The following DOCK10 variants were observed in gnomAD, a reference collection of about 807,000 sequenced individuals.
DOCK10 encodes the protein dedicator of cytokinesis protein 10.
In DOCK10, 145 loss-of-function variants were observed where a neutral mutation model predicts 280.1. The ratio of observed to expected loss-of-function variants is 0.52; its 90% CI spans 0.45 to 0.59. The LOEUF (loss-of-function observed/expected upper bound fraction) is 0.59, where lower values mean the gene tolerates loss of function less well. Ranked by LOEUF, DOCK10 falls within the 20% of genes least tolerant of loss-of-function variation. The pLI, the probability that DOCK10 is intolerant of heterozygous loss-of-function variation, is 0.00. For synonymous variants in DOCK10, 915 were observed against 942.2 expected, an observed-to-expected ratio of 0.97 and a Z score of 0.53; for missense variants, 2,368 against 2,651.7, an observed-to-expected ratio of 0.89 and a Z score of 2.35.
intron 24 of DOCK10, among the ~76,000 whole-genome samples, chr2:224,838,181 T>C (rs1468396255): frequency 6.6e-6 from 1 of 152,238 alleles, no homozygotes; most frequent in African/African-American, 2.4e-5. Flanking sequence ...AAAGGGATTA[T>C]TTTTAGTGCC....
At chr2:224,974,480 A>G (rs1575137406) in intron 1 of DOCK10, among the ~76,000 whole-genome samples, 1 of 152,120 alleles carries the variant, frequency 6.6e-6, no homozygotes, top group African/African-American at 2.4e-5. Context: ...CAAAAGACAC[A>G]TTATATCCTC....
At chr2:224,873,374 C>T (rs1698413567) in intron 11 of DOCK10, among the ~76,000 whole-genome samples, 1 of 152,036 alleles carries the variant, frequency 6.6e-6, no homozygotes, top group African/African-American at 2.4e-5. Context: ...CCTAGGAGTT[C>T]TAAACCAGTC....
chr2:224,989,886 C>T (rs775811377), intron 1 of DOCK10, among the ~76,000 whole-genome samples: 10 of 152,096 alleles, frequency 6.6e-5, no homozygotes, highest in East Asian at 3.9e-4. Flanking sequence ...TTTTATCCCC[C>T]GACAACTGTG....
intron 1 of DOCK10, among the ~76,000 whole-genome samples, chr2:224,932,449 G>A (rs1480561691): frequency 6.6e-6 from 1 of 152,056 alleles, no homozygotes; most frequent in Non-Finnish European, 1.5e-5. Flanking sequence ...GAACTCATAA[G>A]GTGAGAAAAG....
rs1308476404 is a variant in DOCK10, at chr2:224,885,749, C to A, written c.669G>T (p.Met223Ile). ...ATATTTTCTCATCTTTGTAAAAGTT[C>A]ATAATGTAGGAGTTATCTGGTAACT... ...LTQLPDNSYI[M>I]NFYKDEKISK... Residue 223 changes from methionine (M) to isoleucine (I), a missense_variant, in exon 7 of 56, where the codon ATG becomes ATT. Met to Ile is a conservative substitution (Grantham distance 10). This residue lies in a region of DOCK10 where 1,209 missense variants were observed against 1,250.9 expected (regional missense o/e 0.97). Transcript: ENST00000258390. The A allele has an allele frequency of 6.2e-7, 1 of 1,613,676 alleles. No homozygotes were observed. Among genetic ancestry groups the A allele is most frequent in the Admixed American group, 1.7e-5 (1 of 59,992 alleles).
At chr2:224,804,068 C>A (rs1446125723) in intron 39 of DOCK10, 44 bp downstream of exon 39, 1 of 1,196,212 alleles carries the variant, frequency 8.4e-7, no homozygotes, top group Non-Finnish European at 1.2e-6. Flanking sequence ...GACACACACA[C>A]ACAGCTATAT....
chr2:224,880,175 T>C (rs1026309281), intron 7 of DOCK10, among the ~76,000 whole-genome samples: 3 of 152,180 alleles, frequency 2.0e-5, no homozygotes, highest in Admixed American at 6.5e-5. Context: ...ATCACAAATA[T>C]TCTTAAAAAT....
chr2:224,878,516 G>C (rs1205308554), intron 7 of DOCK10, among the ~76,000 whole-genome samples: 1 of 152,186 alleles, frequency 6.6e-6, no homozygotes, highest in African/African-American at 2.4e-5. Flanking sequence ...GCTGATGCTG[G>C]TCTCCTTACT....
chr2:225,015,111 T>C (rs1689554754), intron 1 of DOCK10, among the ~76,000 whole-genome samples: 1 of 152,220 alleles, frequency 6.6e-6, no homozygotes, highest in Admixed American at 6.5e-5. Flanking sequence ...GACCACTTTA[T>C]GGTCATTTAA....
At chr2:224,887,878 C>T (rs1357837941) in intron 4 of DOCK10, among the ~76,000 whole-genome samples, 3 of 152,176 alleles carry the variant, frequency 2.0e-5, no homozygotes, top group Non-Finnish European at 4.4e-5. Context: ...TACATTAGCT[C>T]TCTAGACTTC....
chr2:224,949,876 A>G (rs1175186110), intron 1 of DOCK10, among the ~76,000 whole-genome samples: 1 of 152,262 alleles, frequency 6.6e-6, no homozygotes, highest in Non-Finnish European at 1.5e-5. Context: ...ATGCATAACT[A>G]TTAGTTACAA....
chr2:224,903,629 A>T (rs2125868338), intron 3 of DOCK10, among the ~76,000 whole-genome samples: 1 of 152,350 alleles, frequency 6.6e-6, no homozygotes, highest in African/African-American at 2.4e-5. Context: ...TGGTACTATT[A>T]TGATCCAATC....
chr2:224,795,649 C>A (rs1411398116), intron 44 of DOCK10, among the ~76,000 whole-genome samples: 1 of 152,110 alleles, frequency 6.6e-6, no homozygotes, highest in Non-Finnish European at 1.5e-5. Context: ...ATGAAGTAAA[C>A]AAAGAGGAAA....
intron 1 of DOCK10, among the ~76,000 whole-genome samples, chr2:225,005,121 CT>C (rs1015985556): frequency 2.0e-5 from 3 of 152,022 alleles, no homozygotes; most frequent in Non-Finnish European, 4.4e-5. Flanking sequence ...GGAAAAAAAC[CT>C]TTTTGTCATG....
chr2:224,871,567 A>G (rs1698290675), intron 11 of DOCK10, among the ~76,000 whole-genome samples: 1 of 152,194 alleles, frequency 6.6e-6, no homozygotes. Flanking sequence ...CTATGGCTTA[A>G]GGCCCTACAT....
chr2:224,961,029 C>T (rs1159792253), intron 1 of DOCK10, among the ~76,000 whole-genome samples: 1 of 152,150 alleles, frequency 6.6e-6, no homozygotes, highest in African/African-American at 2.4e-5. Context: ...TGAGCCACCG[C>T]GCCCGGCCCC....
Position 224,952,596 on chromosome 2 carries a change from T to G in DOCK10, c.124-20928A>C, listed in dbSNP as rs372825241. Among the ~76,000 whole-genome samples the G allele has an allele frequency of 6.1e-3, 902 of 148,912 alleles. 10 individuals carry two copies. Among genetic ancestry groups the G allele is most frequent in the African/African-American group, 0.02 (794 of 40,700 alleles). On this transcript the variant is annotated intron_variant, in intron 1 of 55. Transcript: ENST00000258390. ...TTTTAAATGCTCAATTATGTTATTT[T>G]TTTTTTTTTTTTTTGAGACGGAGTC... is the stretch of plus-strand genomic sequence containing the variant.
At chr2:224,889,232 G>T (rs1288283693) in intron 4 of DOCK10, among the ~76,000 whole-genome samples, 1 of 152,194 alleles carries the variant, frequency 6.6e-6, no homozygotes, top group African/African-American at 2.4e-5. Context: ...GAGCTCTTTA[G>T]ACTTAAGTAT....
intron 26 of DOCK10, among the ~76,000 whole-genome samples, chr2:224,832,188 A>C (rs1695283427): frequency 6.6e-6 from 1 of 152,188 alleles, no homozygotes; most frequent in Non-Finnish European, 1.5e-5. Context: ...TTTACTTCAC[A>C]ATTTTGCTAC....
Sources: gnomAD v4.1 joint callset for allele counts (sites outside exome capture counted in the v4.1 genomes callset) on GRCh38, gnomAD v4.1.1 for gene constraint, gnomAD v4.1.1 regional missense constraint, MANE v1.5 for transcripts, NCBI Gene and HGNC (gene_info 2026-07-23, HGNC 2026-07-21) for gene names.